Variants in TECTA observed in about 807,000 individuals in gnomAD.
TECTA encodes alpha-tectorin.
In TECTA, 128 loss-of-function variants were observed where a neutral mutation model predicts 216.8. The ratio of observed to expected loss-of-function variants is 0.59; its 90% CI spans 0.51 to 0.68. TECTA has a LOEUF of 0.68. Among genes scored for constraint, TECTA ranks in the 30% least tolerant of loss-of-function variants. The probability of loss-of-function intolerance (pLI) is 0.00; values close to 1 mark genes in which losing one functional copy is unlikely to be tolerated. For missense variants in TECTA, 2,551 were observed against 2,786.2 expected, an observed-to-expected ratio of 0.92 and a Z score of 1.90; for synonymous variants, 1,089 against 1,117.1, an observed-to-expected ratio of 0.97 and a Z score of 0.50.
intron 20 of TECTA, among the ~76,000 whole-genome samples, chr11:121,178,326 C>A (rs375561213): frequency 8.5e-5 from 13 of 152,118 alleles, no homozygotes; most frequent in African/African-American, 3.1e-4. Context: ...TCTTGGCTCC[C>A]AACCGTTCTA....
intron 7 of TECTA, among the ~76,000 whole-genome samples, chr11:121,125,005 G>A (rs1203639841): frequency 6.6e-6 from 1 of 152,234 alleles, no homozygotes; most frequent in Non-Finnish European, 1.5e-5. Context: ...AGCTAGCCAA[G>A]AGCCAGCCAG....
chr11:121,131,544 G>C (rs1442655338), intron 10 of TECTA, among the ~76,000 whole-genome samples: 6 of 152,106 alleles, frequency 3.9e-5, no homozygotes, highest in Middle Eastern at 3.2e-3. Flanking sequence ...ATTAAAATCA[G>C]GATATTGCCA....
rs764470788 is a variant in TECTA at position 121,187,920 on chromosome 11, A to G, written c.6088A>G (p.Ile2030Val). The G allele has an allele frequency of 6.2e-7, 1 of 1,614,240 alleles. No individual in the cohort carries two copies. Among genetic ancestry groups the G allele is most frequent in the Non-Finnish European group, 8.5e-7 (1 of 1,180,044 alleles). Reference sequence around the variant, plus strand: ...CTTTCACGTCACCGTCTTTAAATTCATAGGGGATTACGACGAAGTTCACCT... The same window carrying G: ...CTTTCACGTCACCGTCTTTAAATTCGTAGGGGATTACGACGAAGTTCACCT... ...CRFHVTVFKF[I>V]GDYDEVHLHC... is the part of the protein sequence containing the mutation. Residue 2030 changes from isoleucine (I) to valine (V), a missense_variant, in exon 21 of 24, where the codon ATA becomes GTA. Around this residue, in one of 3 missense-constraint regions of TECTA, gnomAD observed 58 missense variants for 105.9 expected, o/e 0.55. Transcript: ENST00000392793.
In TECTA at chr11:121,162,076, C is replaced by T; in HGVS notation, c.4978C>T (p.Pro1660Ser). Residue 1660 changes from proline (P) to serine (S), a missense_variant and splice_region_variant, in exon 16 of 24, where the codon CCT (proline) becomes TCT (serine). Coordinates refer to ENST00000392793, the MANE Select transcript of TECTA (RefSeq NM_005422.4). ...SWKTNGMQKR[P>S]LAPSCNELQF... Reference sequence around the variant, plus strand: ...TTTTGCTTCACTCAGTCTGACCAGACCTCTTGCCCCCAGCTGCAACGAGCT... The same window carrying T: ...TTTTGCTTCACTCAGTCTGACCAGATCTCTTGCCCCCAGCTGCAACGAGCT... The T allele has an allele frequency of 6.2e-7, 1 of 1,614,024 alleles. No homozygotes were observed. Among genetic ancestry groups the T allele is most frequent in the Non-Finnish European group, 8.5e-7 (1 of 1,180,044 alleles).
At chr11:121,131,415 T>G (rs1329183044) in intron 10 of TECTA, among the ~76,000 whole-genome samples, 2 of 152,204 alleles carry the variant, frequency 1.3e-5, no homozygotes, top group African/African-American at 4.8e-5. Flanking sequence ...TCTCTGAAAA[T>G]ATACTCACTC....
chr11:121,123,407 A>G (rs372217469), intron 7 of TECTA, among the ~76,000 whole-genome samples: 117 of 152,246 alleles, frequency 7.7e-4, no homozygotes, highest in African/African-American at 2.6e-3. Flanking sequence ...TGTGTGTTCT[A>G]TAAGCTCATC....
At chr11:121,144,515 A>T (rs1260529119) in intron 11 of TECTA, among the ~76,000 whole-genome samples, 1 of 152,176 alleles carries the variant, frequency 6.6e-6, no homozygotes, top group Non-Finnish European at 1.5e-5. Context: ...TACTTCTCCC[A>T]CAAGGCAAAC....
chr11:121,190,774 C>T lies in TECTA; in HGVS notation c.6436C>T (p.His2146Tyr). ...LLIMIQISLWHFVYKSGTTS is the reference protein window; with the variant it reads ...LLIMIQISLWYFVYKSGTTS ...CATCATGATCCAGATTTCATTATGG[C>T]ATTTTGTCTATAAATCAGGCACGAC... The change falls in exon 24 of 24, where the codon CAT becomes TAT. Residue 2146 changes from histidine (H) to tyrosine (Y), a missense_variant. By Grantham distance (83) the His-to-Tyr change is moderately conservative. Around this residue, in one of 3 missense-constraint regions of TECTA, gnomAD observed 118 missense variants for 116.4 expected, o/e 1.01. Coordinates refer to ENST00000392793, the MANE Select transcript of TECTA (RefSeq NM_005422.4). 1.2e-6 allele frequency: 2 copies of T among 1,613,696 alleles called. No individual in the cohort carries two copies. The highest frequency in any genetic ancestry group is 8.5e-7 in the Non-Finnish European group (1 of 1,179,776).
At chr11:121,177,248 G>A (rs1369935601) in intron 20 of TECTA, among the ~76,000 whole-genome samples, 11 of 152,194 alleles carry the variant, frequency 7.2e-5, no homozygotes, top group South Asian at 2.1e-4. Flanking sequence ...GAGGAGAGGC[G>A]CTCTGCTTTT....
At position 121,125,425 on chromosome 11, in the gene TECTA, C is replaced by T. The variant is rs745831106; in HGVS notation, c.1327C>T (p.His443Tyr). 23 of 1,614,210 alleles carry T rather than the reference C, an allele frequency of 1.4e-5. No individual in the cohort carries two copies. The South Asian group carries it at 2.3e-4, about 16-fold the overall frequency. ...GCTCTTAGTGACTTTTGATGGCCAG[C>T]ACTACGCCTCCATTTCCGTCCCAGG... ...FGLLVTFDGQ[H>Y]YASISVPGSY... Residue 443 changes from histidine (H) to tyrosine (Y), a missense_variant, in exon 8 of 24, where the codon CAC becomes TAC. By Grantham distance (83) the His-to-Tyr change is moderately conservative. Coordinates refer to ENST00000392793, the MANE Select transcript of TECTA (RefSeq NM_005422.4).
intron 10 of TECTA, among the ~76,000 whole-genome samples, chr11:121,133,371 A>C (rs1946693952): frequency 6.6e-6 from 1 of 152,138 alleles, no homozygotes; most frequent in African/African-American, 2.4e-5. Context: ...CAACCTTAGG[A>C]AATTTAACAT....
chr11:121,111,115 G>A (rs1246744960), intron 4 of TECTA, among the ~76,000 whole-genome samples: 1 of 152,202 alleles, frequency 6.6e-6, no homozygotes, highest in African/African-American at 2.4e-5. Flanking sequence ...AAGGAAAAGG[G>A]ACATGTTTAC....
At chr11:121,103,717 T>C (rs967686422) in intron 2 of TECTA, among the ~76,000 whole-genome samples, 2 of 152,080 alleles carry the variant, frequency 1.3e-5, no homozygotes, top group Admixed American at 6.6e-5. Flanking sequence ...TTTATATATA[T>C]ATATAAAAAT....
At chr11:121,124,275 G>A (rs910238916) in intron 7 of TECTA, among the ~76,000 whole-genome samples, 3 of 152,124 alleles carry the variant, frequency 2.0e-5, no homozygotes, top group African/African-American at 4.8e-5. Flanking sequence ...GCATAAATGC[G>A]TATTTGTAGA....
At chr11:121,107,858 A>G (rs1946405018) in intron 3 of TECTA, among the ~76,000 whole-genome samples, 1 of 152,212 alleles carries the variant, frequency 6.6e-6, no homozygotes, top group Non-Finnish European at 1.5e-5. Context: ...ATAGTCATTT[A>G]CATAAACAGT....
chr11:121,106,492 C>A (rs1946391466), intron 3 of TECTA, among the ~76,000 whole-genome samples: 1 of 152,202 alleles, frequency 6.6e-6, no homozygotes, highest in South Asian at 2.1e-4. Context: ...GCCCAACCCA[C>A]ACTAAGAAAT....
intron 6 of TECTA, among the ~76,000 whole-genome samples, chr11:121,114,285 A>G (rs1395324661): frequency 2.0e-5 from 3 of 152,192 alleles, no homozygotes; most frequent in Non-Finnish European, 2.9e-5. Context: ...ATCAAAGCTG[A>G]CTTTGGGTAT....
In TECTA at chr11:121,113,294, G is replaced by T; in HGVS notation, c.624+85G>T. On this transcript the variant is annotated intron_variant, in intron 5 of 23. Coordinates refer to ENST00000392793, the MANE Select transcript of TECTA (RefSeq NM_005422.4). This position sits in a 1 kb window ranked among gnomAD's most constrained non-coding sequence, Gnocchi z 4.2. ...GGCTCAGCATCCTGGAGGGAATCCT[G>T]CCACCAGCTTTTAACTAGAGACGCA... is the stretch of plus-strand genomic sequence containing the variant. 3.1e-6 allele frequency: 5 copies of T among 1,605,558 alleles called. No individual in the cohort carries two copies. The highest frequency in any genetic ancestry group is 4.2e-6 in the Non-Finnish European group (5 of 1,177,148).
chr11:121,132,426 C>T (rs975917478), intron 10 of TECTA, among the ~76,000 whole-genome samples: 1 of 152,174 alleles, frequency 6.6e-6, no homozygotes, highest in Non-Finnish European at 1.5e-5. Context: ...TCTGCTCTAG[C>T]CTTGGATTAG....
Sources: gnomAD v4.1 joint callset for allele counts (sites outside exome capture counted in the v4.1 genomes callset) on GRCh38, gnomAD v4.1.1 for gene constraint, gnomAD v4.1.1 regional missense constraint, Gnocchi (gnomAD v3.1) non-coding constraint, MANE v1.5 for transcripts, NCBI Gene and HGNC (gene_info 2026-07-23, HGNC 2026-07-21) for gene names.